The following HECW1 variants were observed in gnomAD, a reference collection of about 807,000 sequenced individuals.
HECW1 encodes the protein HECT, C2 and WW domain containing E3 ubiquitin protein ligase 1, also known as E3 ubiquitin-protein ligase HECW1.
HECW1 carries 61 observed loss-of-function variants against 182.3 expected under a neutral mutation model. That is an observed-to-expected ratio of 0.33 (90% CI 0.27 to 0.41). HECW1 has a LOEUF of 0.41. Ranked by LOEUF, HECW1 falls within the 10% of genes least tolerant of loss-of-function variation. HECW1 has a pLI of 1.00. For synonymous variants in HECW1, 859 were observed against 832.6 expected (o/e 1.03, Z -0.55); for missense variants, 1,739 against 2,108.9 (o/e 0.82, Z 3.44).
chr7:43,464,337 C>A (rs1024498290), intron 14 of HECW1, among the ~76,000 whole-genome samples: 1 of 152,116 alleles, frequency 6.6e-6, no homozygotes. Flanking sequence ...AGAGAGGAAC[C>A]TGGGAGTGAA....
At chr7:43,345,908 G>T (rs919531139) in intron 5 of HECW1, among the ~76,000 whole-genome samples, 1 of 151,736 alleles carries the variant, frequency 6.6e-6, no homozygotes, top group Non-Finnish European at 1.5e-5. Flanking sequence ...TGGGCATTTG[G>T]GTTGCTTGCA....
chr7:43,417,994 G>A (rs575408884), intron 8 of HECW1, among the ~76,000 whole-genome samples: 2 of 152,256 alleles, frequency 1.3e-5, no homozygotes, highest in African/African-American at 4.8e-5. Context: ...ATGAAGGTGT[G>A]GGCAGAGTTG....
At chr7:43,282,764 A>G (rs1468173203) in intron 3 of HECW1, among the ~76,000 whole-genome samples, 2 of 152,210 alleles carry the variant, frequency 1.3e-5, no homozygotes, top group African/African-American at 4.8e-5. Flanking sequence ...TCTAACTGAC[A>G]ATGTATAGAA....
chr7:43,313,460 C>T (rs924214265), intron 4 of HECW1, among the ~76,000 whole-genome samples: 12 of 151,848 alleles, frequency 7.9e-5, no homozygotes, highest in African/African-American at 2.9e-4. Context: ...GCCTCAGCCT[C>T]CCAAGTAGCT....
intron 8 of HECW1, among the ~76,000 whole-genome samples, chr7:43,431,974 C>A (rs1005638447): frequency 6.6e-6 from 1 of 151,586 alleles, no homozygotes; most frequent in African/African-American, 2.4e-5. Flanking sequence ...ATTACAGGCA[C>A]CTGCCACCAT....
chr7:43,558,425 C>A (rs2082100817), intron 29 of HECW1, among the ~76,000 whole-genome samples: 1 of 152,122 alleles, frequency 6.6e-6, no homozygotes, highest in Admixed American at 6.5e-5. Context: ...AGTTGGAGGC[C>A]TGGTTAAGTT....
At chr7:43,235,981 G>A (rs1004326159) in intron 2 of HECW1, among the ~76,000 whole-genome samples, 5 of 152,150 alleles carry the variant, frequency 3.3e-5, no homozygotes, top group Non-Finnish European at 7.4e-5. Context: ...TTGAGCCCAG[G>A]AGTTTGAGAA....
chr7:43,388,845 G>A (rs561736463), intron 6 of HECW1, among the ~76,000 whole-genome samples: 74 of 152,250 alleles, frequency 4.9e-4, no homozygotes, highest in African/African-American at 1.5e-3. Context: ...CCACTGCCCA[G>A]CCTTACCTGT....
intron 21 of HECW1, among the ~76,000 whole-genome samples, chr7:43,501,711 G>A (rs1376562932): frequency 6.6e-6 from 1 of 151,944 alleles, no homozygotes; most frequent in Non-Finnish European, 1.5e-5. Context: ...TGTGCCTGTA[G>A]TCCCAGCTAC....
chr7:43,385,139 A>G (rs1584720862), intron 6 of HECW1, among the ~76,000 whole-genome samples: 1 of 146,062 alleles, frequency 6.8e-6, no homozygotes, highest in South Asian at 2.2e-4. Context: ...TTCCCTCAAC[A>G]CCCTCTTCCA....
intron 7 of HECW1, among the ~76,000 whole-genome samples, chr7:43,402,175 C>T (rs376375959): frequency 8.5e-5 from 13 of 152,212 alleles, no homozygotes; most frequent in East Asian, 7.8e-4. Flanking sequence ...TCTTCCTGGA[C>T]GCCAGACAAG....
intron 2 of HECW1, among the ~76,000 whole-genome samples, chr7:43,147,797 C>T (rs938531086): frequency 6.6e-6 from 1 of 152,090 alleles, no homozygotes. Context: ...GTAGTCTTGC[C>T]AGAATGATGT....
intron 2 of HECW1, among the ~76,000 whole-genome samples, chr7:43,215,680 A>AT (rs1399734350): frequency 6.6e-6 from 1 of 152,184 alleles, no homozygotes; most frequent in East Asian, 1.9e-4. Context: ...TGTATAATCA[A>AT]TTTTTGGTAA....
intron 2 of HECW1, among the ~76,000 whole-genome samples, chr7:43,205,548 A>G (rs1795391133): frequency 6.6e-6 from 1 of 152,132 alleles, no homozygotes; most frequent in Admixed American, 6.5e-5. Context: ...CCTGCTTGAG[A>G]ACTCTGAATA....
chr7:43,312,251 T>G (rs7795391), intron 4 of HECW1, among the ~76,000 whole-genome samples, 164 bp downstream of exon 4: 23,449 of 152,264 alleles, frequency 0.15, 5,834 homozygotes, highest in African/African-American at 0.53. Context: ...TTCTGCAAAA[T>G]GGACAATAAG....
Position 43,445,060 on chromosome 7 carries a change from C to G in HECW1, c.1888C>G (p.Pro630Ala), listed in dbSNP as rs1009485349. The change falls in exon 11 of 30, where the codon CCT (proline) becomes GCT (alanine). Residue 630 changes from proline to alanine, a missense_variant. Coordinates refer to ENST00000395891, the MANE Select transcript of HECW1 (RefSeq NM_015052.5). ...PEGATPGTAH[P>A]GHSGGHFPSL... ...GGGGGCTACTCCAGGCACGGCGCACCCTGGCCACTCCGGGGGCCACTTCCC... is the reference window on the plus strand; with the variant it reads ...GGGGGCTACTCCAGGCACGGCGCACGCTGGCCACTCCGGGGGCCACTTCCC... 2 of 1,589,430 alleles carry G rather than the reference C, an allele frequency of 1.3e-6. No homozygotes were observed. Among genetic ancestry groups the G allele is most frequent in the Non-Finnish European group, 1.7e-6 (2 of 1,168,492 alleles).
chr7:43,128,925 T>C (rs1312711766), intron 2 of HECW1, among the ~76,000 whole-genome samples: 2 of 151,874 alleles, frequency 1.3e-5, no homozygotes, highest in Non-Finnish European at 2.9e-5. Context: ...AGAACTAGAA[T>C]TGGAAATGGA....
intron 2 of HECW1, among the ~76,000 whole-genome samples, chr7:43,136,933 A>C (rs1411804711): frequency 3.9e-5 from 6 of 152,118 alleles, no homozygotes; most frequent in Non-Finnish European, 1.5e-5. Context: ...TATTATCTCA[A>C]GTTTAATATG....
rs542280562 is a variant in HECW1, at chr7:43,287,020, C to G, written c.28-24743C>G. On this transcript the variant is annotated intron_variant, in intron 3 of 29. Coordinates refer to ENST00000395891, the MANE Select transcript of HECW1 (RefSeq NM_015052.5). ...ATTGTTTAATGATGGTTGGGGGTAGCGGGGAGTTGTTTAAGGATGGTTGGG... is the reference window on the plus strand; with the variant it reads ...ATTGTTTAATGATGGTTGGGGGTAGGGGGGAGTTGTTTAAGGATGGTTGGG... Among the ~76,000 whole-genome samples, 99 of 149,192 alleles carry G rather than the reference C, an allele frequency of 6.6e-4. 1 individual carries two copies. Among genetic ancestry groups the G allele is most frequent in the African/African-American group, 2.4e-3 (98 of 40,400 alleles).
Sources: allele counts gnomAD v4.1 joint callset (sites outside exome capture counted in the v4.1 genomes callset), GRCh38; gene constraint gnomAD v4.1.1; transcripts MANE v1.5; gene names NCBI Gene and HGNC (gene_info 2026-07-23, HGNC 2026-07-21).